The following VWC2L variants were observed in gnomAD, a reference collection of about 807,000 sequenced individuals.
VWC2L encodes von Willebrand factor C domain containing 2 like.
VWC2L carries 10 observed loss-of-function variants against 21.6 expected under a neutral mutation model. The observed-to-expected ratio is 0.46, with a 90% CI of 0.29 to 0.78. The LOEUF (loss-of-function observed/expected upper bound fraction) is 0.78. VWC2L is among the 30% of genes least tolerant of loss of function. The probability of loss-of-function intolerance (pLI) is 0.10; values close to 1 mark genes in which losing one functional copy is unlikely to be tolerated. For missense variants in VWC2L, 209 were observed against 277.1 expected, an observed-to-expected ratio of 0.75 and a Z score of 1.74; for synonymous variants, 96 against 94.3, an observed-to-expected ratio of 1.02 and a Z score of -0.10.
intron 1 of VWC2L, 45 bp from the exon 2 acceptor site, chr2:214,414,069 C>A: frequency 1.8e-6 from 2 of 1,095,732 alleles, no homozygotes; most frequent in Non-Finnish European, 2.5e-6. Flanking sequence ...AATCTATCTT[C>A]ACTTTATATA....
At chr2:214,470,084 T>C (rs1288335546) in intron 3 of VWC2L, among the ~76,000 whole-genome samples, 1 of 152,092 alleles carries the variant, frequency 6.6e-6, no homozygotes, top group Non-Finnish European at 1.5e-5. Context: ...TATTAGTATA[T>C]GCAAAATATT....
chr2:214,421,446 CACTT>C lies in VWC2L; in HGVS notation c.390+6866_390+6869del, dbSNP rs541072080. ...ATATATAGGAGTAGTTTTTCATACTCACTTACCAATATTTATTGCTGTCCTTCAT... is the reference window on the plus strand; with the variant it reads ...ATATATAGGAGTAGTTTTTCATACTCACCAATATTTATTGCTGTCCTTCAT... On this transcript the variant is annotated intron_variant, in intron 2 of 3. Transcript: ENST00000312504. 2.7e-3 allele frequency among the ~76,000 whole-genome samples: 413 copies of C among 152,068 alleles called. 1 individual carries two copies. Among genetic ancestry groups the C allele is most frequent in the Non-Finnish European group, 4.5e-3 (306 of 67,984 alleles).
At chr2:214,439,170 T>A (rs1157481130) in intron 3 of VWC2L, among the ~76,000 whole-genome samples, 3 of 152,000 alleles carry the variant, frequency 2.0e-5, no homozygotes, top group African/African-American at 7.2e-5. Flanking sequence ...ACCAATAATT[T>A]TATTGAGAAG....
rs191016041 is a variant in VWC2L at position 214,539,489 on chromosome 2, C to T, written c.521-36183C>T. 4.3e-4 allele frequency among the ~76,000 whole-genome samples: 65 copies of T among 152,160 alleles called. 1 individual carries two copies. Among genetic ancestry groups the T allele is most frequent in the Middle Eastern group, 6.8e-3 (2 of 294 alleles). ...GAAAAAAATAAATGCAAATAAGAGA[C>T]CTTTTAGGTCTGTTACTGTGTGACT... On this transcript the variant is annotated intron_variant, in intron 3 of 3. Coordinates refer to ENST00000312504, the MANE Select transcript of VWC2L (RefSeq NM_001080500.4).
At chr2:214,544,872 G>A (rs1689681835) in intron 3 of VWC2L, among the ~76,000 whole-genome samples, 1 of 152,130 alleles carries the variant, frequency 6.6e-6, no homozygotes, top group Non-Finnish European at 1.5e-5. Flanking sequence ...GCATAGAGAA[G>A]TTAAGTAAGT....
chr2:214,562,092 C>T (rs941323290), intron 3 of VWC2L, among the ~76,000 whole-genome samples: 3 of 151,998 alleles, frequency 2.0e-5, no homozygotes, highest in Admixed American at 6.6e-5. Context: ...CCTATCAACT[C>T]ATCACCCAGG....
chr2:214,502,954 T>G (rs1688916070), intron 3 of VWC2L, among the ~76,000 whole-genome samples: 2 of 152,246 alleles, frequency 1.3e-5, no homozygotes, highest in Non-Finnish European at 2.9e-5. Flanking sequence ...GTAGTTGTTG[T>G]GTGCATTTAT....
At chr2:214,503,474 G>T (rs958359184) in intron 3 of VWC2L, among the ~76,000 whole-genome samples, 4 of 151,990 alleles carry the variant, frequency 2.6e-5, no homozygotes, top group African/African-American at 9.7e-5. Flanking sequence ...GAAGAGAGAG[G>T]CAAAGGGAAA....
chr2:214,516,619 G>A (rs1428917302), intron 3 of VWC2L, among the ~76,000 whole-genome samples: 1 of 149,726 alleles, frequency 6.7e-6, no homozygotes, highest in African/African-American at 2.5e-5. Flanking sequence ...TTATCGTTAA[G>A]CAAAATTGTG....
intron 3 of VWC2L, among the ~76,000 whole-genome samples, chr2:214,549,392 T>C (rs1164094163): frequency 1.3e-5 from 2 of 152,332 alleles, no homozygotes; most frequent in East Asian, 1.9e-4. Flanking sequence ...TAGGACATTA[T>C]TTCCCTCTCT....
chr2:214,568,703 C>T (rs952737528), intron 3 of VWC2L, among the ~76,000 whole-genome samples: 4 of 152,312 alleles, frequency 2.6e-5, no homozygotes, highest in Middle Eastern at 3.4e-3. Flanking sequence ...CATGTGGTCC[C>T]TTTCACAACA....
intron 3 of VWC2L, among the ~76,000 whole-genome samples, chr2:214,536,313 C>T (rs1194578746): frequency 6.6e-6 from 1 of 152,096 alleles, no homozygotes; most frequent in Non-Finnish European, 1.5e-5. Flanking sequence ...CAGCTTTTCA[C>T]ATGAGAAAAA....
intron 3 of VWC2L, among the ~76,000 whole-genome samples, chr2:214,549,551 G>A (rs1689760551): frequency 6.6e-6 from 1 of 152,216 alleles, no homozygotes; most frequent in South Asian, 2.1e-4. Context: ...AAGACAGGCG[G>A]ATCACAAGGT....
chr2:214,543,293 C>T (rs1293984800), intron 3 of VWC2L, among the ~76,000 whole-genome samples: 1 of 152,180 alleles, frequency 6.6e-6, no homozygotes, highest in African/African-American at 2.4e-5. Flanking sequence ...CTCAATTCTC[C>T]ATAGAGTGTT....
At chr2:214,415,888 G>A (rs985869396) in intron 2 of VWC2L, among the ~76,000 whole-genome samples, 13 of 152,122 alleles carry the variant, frequency 8.5e-5, no homozygotes, top group Non-Finnish European at 1.8e-4. Context: ...AAAAGCATGA[G>A]AGTCTAGTAA....
chr2:214,443,118 C>T (rs2126181278), intron 3 of VWC2L, among the ~76,000 whole-genome samples: 1 of 152,210 alleles, frequency 6.6e-6, no homozygotes, highest in Middle Eastern at 3.4e-3. Flanking sequence ...TGGTGGCTCT[C>T]ACCTATAATC....
intron 3 of VWC2L, among the ~76,000 whole-genome samples, chr2:214,512,645 A>G (rs544283091): frequency 1.3e-5 from 2 of 152,322 alleles, no homozygotes; most frequent in African/African-American, 4.8e-5. Context: ...AGTAGGATTT[A>G]TGTTACAAAC....
intron 3 of VWC2L, among the ~76,000 whole-genome samples, chr2:214,470,127 T>C (rs1181921866): frequency 6.6e-6 from 1 of 151,616 alleles, no homozygotes; most frequent in East Asian, 1.9e-4. Context: ...TATGAACCCA[T>C]TACAGAATAA....
chr2:214,480,509 C>T (rs12986787), intron 3 of VWC2L, among the ~76,000 whole-genome samples: 10,579 of 152,198 alleles, frequency 0.07, 470 homozygotes, highest in Admixed American at 0.15. Context: ...CAAAGAATCA[C>T]GCTCAGTTTA....
Sources: gnomAD v4.1 joint callset for allele counts (sites outside exome capture counted in the v4.1 genomes callset) on GRCh38, gnomAD v4.1.1 for gene constraint, MANE v1.5 for transcripts, NCBI Gene and HGNC (gene_info 2026-07-23, HGNC 2026-07-21) for gene names.